TENM3: variants seen among roughly 807,000 people sequenced by gnomAD.
TENM3 encodes the protein teneurin transmembrane protein 3, also known as teneurin-3.
TENM3 carries 63 observed loss-of-function variants against 255.1 expected under a neutral mutation model. The ratio of observed to expected loss-of-function variants is 0.25; its 90% CI spans 0.20 to 0.30. The LOEUF (loss-of-function observed/expected upper bound fraction) is 0.30, where lower values mean the gene tolerates loss of function less well. TENM3 is among the 10% of genes least tolerant of loss of function. TENM3 has a pLI of 1.00. For synonymous variants in TENM3, 1,306 were observed against 1,322.3 expected, an observed-to-expected ratio of 0.99 and a Z score of 0.27; for missense variants, 2,929 against 3,461.1, an observed-to-expected ratio of 0.85 and a Z score of 3.86.
chr4:182,756,587 G>A (rs943226395), intron 22 of TENM3, among the ~76,000 whole-genome samples: 1 of 152,112 alleles, frequency 6.6e-6, no homozygotes, highest in Admixed American at 6.5e-5. Flanking sequence ...TGAAGCAAAG[G>A]TACTTCTTTC....
the TENM3 span, among the ~76,000 whole-genome samples, chr4:181,780,495 C>A: frequency 6.6e-6 from 1 of 151,940 alleles, no homozygotes; most frequent in African/African-American, 2.4e-5. Context: ...TTGTTTTTTT[C>A]TTGTAAATTT....
the TENM3 span, among the ~76,000 whole-genome samples, chr4:181,970,249 G>A: frequency 4.6e-5 from 7 of 152,104 alleles, no homozygotes; most frequent in Non-Finnish European, 7.3e-5. Flanking sequence ...ATTGCTATAC[G>A]TGAAATTTCC....
chr4:182,060,884 G>A, the TENM3 span, among the ~76,000 whole-genome samples: 1 of 152,142 alleles, frequency 6.6e-6, no homozygotes, highest in Admixed American at 6.5e-5. Flanking sequence ...CTCTAGGCAG[G>A]TATATGCATT....
chr4:181,797,252 C>A, the TENM3 span, among the ~76,000 whole-genome samples: 1,132 of 151,836 alleles, frequency 7.5e-3, 12 homozygotes, highest in African/African-American at 0.026. Flanking sequence ...CCTCTTACTG[C>A]TCACCATGAT....
intron 3 of TENM3, among the ~76,000 whole-genome samples, chr4:182,594,517 C>A (rs1042148071): frequency 6.6e-6 from 1 of 152,114 alleles, no homozygotes; most frequent in Non-Finnish European, 1.5e-5. Context: ...ACAGCAAGAC[C>A]TGTCTCTAAA....
the TENM3 span, among the ~76,000 whole-genome samples, chr4:181,735,144 G>A: frequency 7.2e-5 from 11 of 151,738 alleles, no homozygotes; most frequent in Non-Finnish European, 1.5e-4. Flanking sequence ...CATCACTGTG[G>A]CTTTACCTCT....
intron 18 of TENM3, among the ~76,000 whole-genome samples, chr4:182,740,977 G>A (rs1167069613): frequency 6.6e-6 from 1 of 152,120 alleles, no homozygotes; most frequent in Non-Finnish European, 1.5e-5. Flanking sequence ...AGGAGTTCCA[G>A]ACCAGCCTGG....
the TENM3 span, among the ~76,000 whole-genome samples, chr4:181,594,120 A>T: frequency 6.6e-6 from 1 of 152,092 alleles, no homozygotes; most frequent in Admixed American, 6.6e-5. Flanking sequence ...CATTTGATTA[A>T]TTGCTTCTAG....
chr4:182,489,299 T>G (rs1483966526), intron 3 of TENM3, among the ~76,000 whole-genome samples: 2 of 152,210 alleles, frequency 1.3e-5, no homozygotes, highest in Non-Finnish European at 2.9e-5. Context: ...CTCTAATTTT[T>G]TATGTATATG....
intron 3 of TENM3, among the ~76,000 whole-genome samples, chr4:182,473,608 G>A (rs1412342305): frequency 2.0e-5 from 3 of 152,184 alleles, no homozygotes; most frequent in Non-Finnish European, 4.4e-5. Context: ...GGGAGGCGGA[G>A]CTTGCAGTGA....
upstream of TENM3, among the ~76,000 whole-genome samples, chr4:182,241,518 C>CTTTTCT (rs1554036904): frequency 3.2e-4 from 36 of 114,276 alleles, 1 homozygote; most frequent in African/African-American, 1.3e-3. Flanking sequence ...TTTTTTCTTT[C>CTTTTCT]TTTTTTTTTT....
At chr4:181,615,630 TTA>T in the TENM3 span, among the ~76,000 whole-genome samples, 1 of 152,160 alleles carries the variant, frequency 6.6e-6, no homozygotes, top group Non-Finnish European at 1.5e-5. Flanking sequence ...TCAAAATGCA[TTA>T]TGAGGGCTTT....
intron 3 of TENM3, among the ~76,000 whole-genome samples, chr4:182,551,307 TC>T: frequency 6.6e-6 from 1 of 152,110 alleles, no homozygotes; most frequent in Admixed American, 6.6e-5. Flanking sequence ...TGTCCCTTTT[TC>T]CCAGAGCTCT....
chr4:181,604,125 C>T, the TENM3 span, among the ~76,000 whole-genome samples: 122 of 152,020 alleles, frequency 8.0e-4, no homozygotes, highest in African/African-American at 2.7e-3. Context: ...ATTAGCCGGG[C>T]GTGGTGGCGG....
At chr4:181,524,347 C>T in the TENM3 span, among the ~76,000 whole-genome samples, 2 of 152,148 alleles carry the variant, frequency 1.3e-5, no homozygotes, top group African/African-American at 4.8e-5. Flanking sequence ...CCGGCCAAAC[C>T]TCTTTAGCAA....
the TENM3 span, among the ~76,000 whole-genome samples, chr4:181,516,297 A>C: frequency 6.6e-6 from 1 of 151,736 alleles, no homozygotes; most frequent in East Asian, 1.9e-4. Context: ...GGTACAGCCA[A>C]CCACCGTGGC....
intron 1 of TENM3, among the ~76,000 whole-genome samples, chr4:182,298,960 G>A (rs1437962217): frequency 9.4e-6 from 1 of 106,778 alleles, no homozygotes; most frequent in African/African-American, 3.5e-5. Flanking sequence ...TTCCAGGCTT[G>A]GGCAACAGAG....
At chr4:182,736,202 C>A (rs1579291401) in intron 16 of TENM3, among the ~76,000 whole-genome samples, 1 of 152,300 alleles carries the variant, frequency 6.6e-6, no homozygotes, top group African/African-American at 2.4e-5. Context: ...CAATCTAACC[C>A]AAACGATTGG....
At chr4:181,750,964 G>A in the TENM3 span, among the ~76,000 whole-genome samples, 1 of 152,098 alleles carries the variant, frequency 6.6e-6, no homozygotes, top group Non-Finnish European at 1.5e-5. Flanking sequence ...GGCTGTATCT[G>A]CTTCTACAGA....
Sources: allele counts gnomAD v4.1 joint callset (sites outside exome capture counted in the v4.1 genomes callset), GRCh38; gene constraint gnomAD v4.1.1; transcripts MANE v1.5; gene names NCBI Gene and HGNC (gene_info 2026-07-23, HGNC 2026-07-21).